Variants in CFI observed in about 807,000 individuals in gnomAD.
CFI encodes C3B/C4B inactivator.
A neutral mutation model predicts 78.8 loss-of-function variants in CFI; 66 were observed. The ratio of observed to expected loss-of-function variants is 0.84; its 90% CI spans 0.69 to 1.03. The LOEUF is 1.03. Among genes scored for constraint, CFI ranks in the 50% least tolerant of loss-of-function variants. CFI has a pLI of 0.00. For missense variants in CFI, 706 were observed against 704.5 expected, an observed-to-expected ratio of 1.00 and a Z score of -0.02; for synonymous variants, 250 against 232.6, an observed-to-expected ratio of 1.07 and a Z score of -0.68.
At chr4:109,782,890 T>A (rs1579289176) in intron 1 of CFI, among the ~76,000 whole-genome samples, 1 of 152,244 alleles carries the variant, frequency 6.6e-6, no homozygotes, top group Middle Eastern at 3.4e-3. Flanking sequence ...TACAGCCAAC[T>A]GATCTTCGAC....
At chr4:109,764,360 G>A in intron 3 of CFI, 177 bp downstream of exon 3, 1 of 701,318 alleles carries the variant, frequency 1.4e-6, no homozygotes. Context: ...TGTCAGCAGG[G>A]TTCCAAGTGT....
At chr4:109,758,778 T>A (rs1726640582) in intron 6 of CFI, among the ~76,000 whole-genome samples, 1 of 152,154 alleles carries the variant, frequency 6.6e-6, no homozygotes, top group African/African-American at 2.4e-5. Context: ...TAACAGGAAA[T>A]ACATGCAAGA....
At chr4:109,746,061 C>T (rs1260829018) in intron 11 of CFI, among the ~76,000 whole-genome samples, 161 bp downstream of exon 11, 1 of 152,146 alleles carries the variant, frequency 6.6e-6, no homozygotes, top group Non-Finnish European at 1.5e-5. Context: ...TGGGCAGCTG[C>T]ACATGCTGCA....
At chr4:109,763,082 G>A (rs1300841909) in intron 3 of CFI, among the ~76,000 whole-genome samples, 1 of 152,094 alleles carries the variant, frequency 6.6e-6, no homozygotes, top group Non-Finnish European at 1.5e-5. Flanking sequence ...CAGAAAGAAG[G>A]GGTGAGATAC....
intron 1 of CFI, among the ~76,000 whole-genome samples, chr4:109,782,431 CAAA>C (rs36163689): frequency 7.2e-6 from 1 of 138,108 alleles, no homozygotes; most frequent in Non-Finnish European, 1.6e-5. Context: ...ACAATAGCTG[CAAA>C]AAAAAAAAAA....
chr4:109,801,374 A>G (rs992969112), intron 1 of CFI, among the ~76,000 whole-genome samples: 4 of 152,248 alleles, frequency 2.6e-5, no homozygotes, highest in Non-Finnish European at 5.9e-5. Context: ...TACTTGATCT[A>G]TAATCTCTTC....
At chr4:109,781,038 C>A (rs1297335169) in intron 1 of CFI, among the ~76,000 whole-genome samples, 2 of 152,092 alleles carry the variant, frequency 1.3e-5, no homozygotes, top group Non-Finnish European at 2.9e-5. Flanking sequence ...AGGAGATATA[C>A]CTAATGTACA....
At chr4:109,778,900 G>A (rs1729631318) in intron 1 of CFI, among the ~76,000 whole-genome samples, 1 of 152,186 alleles carries the variant, frequency 6.6e-6, no homozygotes. Flanking sequence ...TATCTCAATA[G>A]ATGCAGAAAA....
chr4:109,754,574 A>G (rs968945319), intron 7 of CFI, among the ~76,000 whole-genome samples: 2 of 151,822 alleles, frequency 1.3e-5, no homozygotes, highest in Non-Finnish European at 2.9e-5. Context: ...TTGCTCTGTC[A>G]TGGATGAGGA....
intron 11 of CFI, 112 bp from the exon 12 acceptor site, chr4:109,742,707 T>C (rs1561282483): frequency 1.4e-6 from 1 of 716,076 alleles, no homozygotes; most frequent in Non-Finnish European, 2.4e-6. Flanking sequence ...TTTCAATATA[T>C]ATAAATTTTT....
At chr4:109,797,613 T>C (rs977964733) in intron 1 of CFI, among the ~76,000 whole-genome samples, 1 of 152,026 alleles carries the variant, frequency 6.6e-6, no homozygotes, top group East Asian at 1.9e-4. Flanking sequence ...CACAGCAAAA[T>C]GAAAAGACAA....
chr4:109,791,267 G>T (rs1459567952), intron 1 of CFI, among the ~76,000 whole-genome samples: 1 of 151,782 alleles, frequency 6.6e-6, no homozygotes. Flanking sequence ...ATCTGTTCAT[G>T]TCCTTTGTCC....
chr4:109,767,796 G>A (rs1387833807), intron 1 of CFI, among the ~76,000 whole-genome samples: 3 of 151,896 alleles, frequency 2.0e-5, no homozygotes, highest in African/African-American at 4.8e-5. Context: ...ATACCCAAAG[G>A]ATTATAAATC....
At chr4:109,797,276 A>G (rs374363005) in intron 1 of CFI, among the ~76,000 whole-genome samples, 23 of 152,354 alleles carry the variant, frequency 1.5e-4, no homozygotes, top group African/African-American at 5.5e-4. Flanking sequence ...AAAACCATGC[A>G]TAGATAGTCA....
chr4:109,796,492 C>T (rs1420473749), intron 1 of CFI, among the ~76,000 whole-genome samples: 1 of 152,104 alleles, frequency 6.6e-6, no homozygotes, highest in Non-Finnish European at 1.5e-5. Flanking sequence ...ATGAACTGTC[C>T]TAGAAAGAAT....
At chr4:109,736,729 A>G (rs1315269000), downstream of CFI, among the ~76,000 whole-genome samples, 1 of 152,228 alleles carries the variant, frequency 6.6e-6, no homozygotes, top group African/African-American at 2.4e-5. Context: ...TTAAGCCATC[A>G]GGACAGAGTC....
chr4:109,786,998 G>C (rs1730829529), intron 1 of CFI, among the ~76,000 whole-genome samples: 1 of 151,984 alleles, frequency 6.6e-6, no homozygotes, highest in Non-Finnish European at 1.5e-5. Flanking sequence ...GTGTTTCTCT[G>C]AATAGCTAGG....
intron 1 of CFI, among the ~76,000 whole-genome samples, chr4:109,797,034 A>C (rs1242650429): frequency 1.3e-5 from 2 of 152,244 alleles, no homozygotes; most frequent in Non-Finnish European, 2.9e-5. Flanking sequence ...ATCCCTACCA[A>C]AATTGCAAAG....
chr4:109,775,374 C>T (rs1729091516), intron 1 of CFI, among the ~76,000 whole-genome samples: 2 of 152,204 alleles, frequency 1.3e-5, no homozygotes, highest in African/African-American at 2.4e-5. Context: ...CTCGGAGGGT[C>T]CCACACCCAC....
Sources: allele counts gnomAD v4.1 joint callset (sites outside exome capture counted in the v4.1 genomes callset), GRCh38; gene constraint gnomAD v4.1.1; transcripts MANE v1.5; gene names NCBI Gene and HGNC (gene_info 2026-07-23, HGNC 2026-07-21).